The following EFHC2 variants were observed in gnomAD, a reference collection of about 807,000 sequenced individuals.
The protein encoded by EFHC2 is EF-hand domain-containing family member C2.
In EFHC2, 18 loss-of-function variants were observed where a neutral mutation model predicts 52.7. That is an observed-to-expected ratio of 0.34 (90% CI 0.24 to 0.51). EFHC2 has a LOEUF of 0.51. Ranked by LOEUF, EFHC2 falls within the 20% of genes least tolerant of loss-of-function variation. EFHC2 has a pLI of 0.97. For missense variants in EFHC2, 513 were observed against 562.5 expected, an observed-to-expected ratio of 0.91 and a Z score of 0.89; for synonymous variants, 203 against 204.1, an observed-to-expected ratio of 0.99 and a Z score of 0.04.
chrX:44,292,152 A>G (rs966514325), intron 2 of EFHC2, among the ~76,000 whole-genome samples: 1 of 111,510 alleles, frequency 9.0e-6, no homozygotes, highest in African/African-American at 3.3e-5. Flanking sequence ...TTTTGTGTGT[A>G]TATATATACA....
At chrX:44,319,727 TAA>T (rs1477734388) in intron 1 of EFHC2, among the ~76,000 whole-genome samples, 3 of 112,100 alleles carry the variant, frequency 2.7e-5, no homozygotes, top group African/African-American at 9.7e-5. Context: ...GGTAAGGATA[TAA>T]AGTTTCCCTT....
At chrX:44,168,177 C>A (rs1407535250) in intron 13 of EFHC2, among the ~76,000 whole-genome samples, 1 of 111,384 alleles carries the variant, frequency 9.0e-6, no homozygotes, top group Non-Finnish European at 1.9e-5. Context: ...ACTGCAGACT[C>A]CAGGTGCCAA....
chrX:44,162,437 T>C lies in EFHC2; in HGVS notation c.2148+1485A>G, dbSNP rs141590466. Among the ~76,000 whole-genome samples the C allele has an allele frequency of 3.9e-3, 438 of 111,225 alleles. 7 individuals carry two copies. In the East Asian group the frequency reaches 0.069, roughly 18 times the overall value. ...GACTCCATCTCCAGTCTACCCACCA[T>C]CCAGCCAAAGCAAGTTCCCTGTAAA... On this transcript the variant is annotated intron_variant, in intron 14 of 14. Coordinates refer to ENST00000420999, the MANE Select transcript of EFHC2 (RefSeq NM_025184.4).
intron 2 of EFHC2, among the ~76,000 whole-genome samples, chrX:44,283,296 G>A (rs1014127476): frequency 9.0e-6 from 1 of 111,188 alleles, no homozygotes; most frequent in Non-Finnish European, 1.9e-5. Context: ...CATTCTCCTG[G>A]CTCAGCCTCC....
chrX:44,149,658 G>C lies in EFHC2; in HGVS notation c.2149-762C>G, dbSNP rs375592093. Among the ~76,000 whole-genome samples, 8 of 111,383 alleles carry C rather than the reference G, an allele frequency of 7.2e-5. No individual in the cohort carries two copies. The South Asian group carries it at 3.1e-3, about 42-fold the overall frequency. On this transcript the variant is annotated intron_variant, in intron 14 of 14. Transcript: ENST00000420999. ...AGCCTCCCGAGTAGCTGGGATTACAGGCACATGCCACCATGCCCGGCTAAT... is the reference window on the plus strand; with the variant it reads ...AGCCTCCCGAGTAGCTGGGATTACACGCACATGCCACCATGCCCGGCTAAT...
At chrX:44,332,003 T>C (rs1569310319) in intron 1 of EFHC2, among the ~76,000 whole-genome samples, 1 of 110,339 alleles carries the variant, frequency 9.1e-6, no homozygotes, top group Non-Finnish European at 1.9e-5. Flanking sequence ...CTCTGTACTC[T>C]TTCTTAAGTG....
At chrX:44,272,578 T>G in intron 3 of EFHC2, 108 bp downstream of exon 3, 1 of 815,743 alleles carries the variant, frequency 1.2e-6, no homozygotes, top group East Asian at 3.6e-5. Context: ...GCCAGCAGGT[T>G]AGACAGCCTA....
At chrX:44,334,633 G>A (rs1254374041) in intron 1 of EFHC2, among the ~76,000 whole-genome samples, 1 of 110,970 alleles carries the variant, frequency 9.0e-6, no homozygotes, top group African/African-American at 3.3e-5. Flanking sequence ...GCGCCACCAC[G>A]CCCGGCTAGT....
In EFHC2 at chrX:44,323,269, A is replaced by G. The variant is rs1354535567; in HGVS notation, c.43-10513T>C. On this transcript the variant is annotated intron_variant, in intron 1 of 14. Transcript: ENST00000420999. ...ATAAGAAACATTCAACATTTAACAC[A>G]GGGCCTGATAGGCATGAGTCAATAG... 2.7e-5 allele frequency among the ~76,000 whole-genome samples: 3 copies of G among 112,419 alleles called. No homozygotes were observed. The Admixed American group carries it at 2.8e-4, about 11-fold the overall frequency.
intron 11 of EFHC2, among the ~76,000 whole-genome samples, chrX:44,225,449 G>C (rs4824495): frequency 0.37 from 39,730 of 108,306 alleles, 5,645 homozygotes; most frequent in Admixed American, 0.46. Context: ...GCACATCTCT[G>C]AGAAAAAGGG....
Position 44,225,511 on chromosome X carries a change from G to A in EFHC2, c.1751+4138C>T, listed in dbSNP as rs190677731. Among the ~76,000 whole-genome samples, 40 of 111,601 alleles carry A rather than the reference G, an allele frequency of 3.6e-4. No individual in the cohort carries two copies. The South Asian group carries it at 0.013, about 37-fold the overall frequency. On this transcript the variant is annotated intron_variant, in intron 11 of 14. Coordinates refer to ENST00000420999, the MANE Select transcript of EFHC2 (RefSeq NM_025184.4). ...CAGAGCAGCAGGTCTGGGCCCCGAA[G>A]CCCCAGGTGTATGCTGAGAGTGCCA...
At chrX:44,329,607 AT>A (rs200198873) in intron 1 of EFHC2, among the ~76,000 whole-genome samples, 5,078 of 102,467 alleles carry the variant, frequency 0.05, 321 homozygotes, top group African/African-American at 0.17. Flanking sequence ...GGATCACAGA[AT>A]TTTTTTTTTT....
At chrX:44,169,789 T>C (rs2036729708) in intron 13 of EFHC2, among the ~76,000 whole-genome samples, 1 of 110,466 alleles carries the variant, frequency 9.1e-6, no homozygotes, top group African/African-American at 3.3e-5. Context: ...TCCAGAATAC[T>C]AGGAATAAAG....
chrX:44,257,687 T>A (rs1291329112), intron 4 of EFHC2, among the ~76,000 whole-genome samples: 1 of 111,739 alleles, frequency 8.9e-6, no homozygotes, highest in African/African-American at 3.3e-5. Context: ...AGAATCAATA[T>A]CATAAAAATG....
chrX:44,275,158 G>A (rs2037646875), intron 2 of EFHC2, among the ~76,000 whole-genome samples: 1 of 111,741 alleles, frequency 8.9e-6, no homozygotes. Flanking sequence ...TGTCATGTAT[G>A]TAATCATTAA....
At chrX:44,245,910 G>A (rs1256748350) in intron 7 of EFHC2, among the ~76,000 whole-genome samples, 2 of 111,465 alleles carry the variant, frequency 1.8e-5, no homozygotes, top group Admixed American at 9.5e-5. Flanking sequence ...GAAATCTCCC[G>A]TGACTTCCTG....
intron 2 of EFHC2, among the ~76,000 whole-genome samples, chrX:44,290,972 G>A (rs1191456303): frequency 2.7e-5 from 3 of 111,650 alleles, no homozygotes; most frequent in Non-Finnish European, 5.6e-5. Context: ...TCACTTTCTC[G>A]GGAAGTGAAA....
At position 44,264,334 on chromosome X, in the gene EFHC2, G is replaced by A. The variant is rs370042086; in HGVS notation, c.383-3036C>T. On this transcript the variant is annotated intron_variant, in intron 3 of 14. Transcript: ENST00000420999. Reference sequence around the variant, plus strand: ...AAAAGAGAGATGAAGCTGCTCTTCCGAAAGAACAGCCTCTCTCCTCGAAGG... The same window carrying A: ...AAAAGAGAGATGAAGCTGCTCTTCCAAAAGAACAGCCTCTCTCCTCGAAGG... 4.5e-5 allele frequency among the ~76,000 whole-genome samples: 5 copies of A among 111,815 alleles called. No homozygotes were observed. The South Asian group carries it at 1.5e-3, about 34-fold the overall frequency.
intron 1 of EFHC2, among the ~76,000 whole-genome samples, chrX:44,329,350 A>G (rs2038071983): frequency 8.9e-6 from 1 of 112,006 alleles, no homozygotes; most frequent in African/African-American, 3.2e-5. Flanking sequence ...GGTTTACTAT[A>G]CAGATACAGT....
Sources: gnomAD v4.1 joint callset for allele counts (sites outside exome capture counted in the v4.1 genomes callset) on GRCh38, gnomAD v4.1.1 for gene constraint, MANE v1.5 for transcripts, NCBI Gene and HGNC (gene_info 2026-07-23, HGNC 2026-07-21) for gene names.